Variants in MAST4 observed in about 807,000 individuals in gnomAD.
MAST4 encodes the protein microtubule associated serine/threonine kinase family member 4.
In MAST4, 89 loss-of-function variants were observed where a neutral mutation model predicts 162.7. The observed-to-expected ratio is 0.55, with a 90% confidence interval of 0.46 to 0.65. The LOEUF (loss-of-function observed/expected upper bound fraction) is 0.65. Among genes scored for constraint, MAST4 ranks in the 30% least tolerant of loss-of-function variants. MAST4 has a pLI of 0.00. For missense variants in MAST4, 3,153 were observed against 3,374.0 expected (o/e 0.93, Z 1.62); for synonymous variants, 1,479 against 1,361.1 (o/e 1.09, Z -1.91).
chr5:66,702,066 G>A (rs1319248909), intron 1 of MAST4, among the ~76,000 whole-genome samples: 1 of 152,144 alleles, frequency 6.6e-6, no homozygotes, highest in Non-Finnish European at 1.5e-5. Context: ...AGTGAGTGCT[G>A]CTCCCAGGAG....
chr5:66,832,138 C>A (rs1463117505), intron 3 of MAST4, among the ~76,000 whole-genome samples: 1 of 152,114 alleles, frequency 6.6e-6, no homozygotes, highest in Non-Finnish European at 1.5e-5. Context: ...GCTGACGATG[C>A]CTTTCCTGCC....
rs574872142 is a variant in MAST4, at chr5:66,676,656, A to G, written c.363+79638A>G. On this transcript the variant is annotated intron_variant, in intron 1 of 28. Transcript: ENST00000403625. ...AAACCAATCAGCGGAGCACTTGCTG[A>G]GAATGAAGTTTTTTCTTAATTGGCG... Among the ~76,000 whole-genome samples, 4 of 152,338 alleles carry G rather than the reference A, an allele frequency of 2.6e-5. 1 individual carries two copies. The South Asian group carries it at 8.3e-4, about 32-fold the overall frequency.
intron 3 of MAST4, among the ~76,000 whole-genome samples, chr5:66,816,344 C>T (rs1182284430): frequency 1.3e-5 from 2 of 152,104 alleles, no homozygotes; most frequent in African/African-American, 2.4e-5. Context: ...CCCCTGTTCA[C>T]GGCCACAGGA....
chr5:67,018,751 A>T (rs1364717564), intron 4 of MAST4, among the ~76,000 whole-genome samples: 4 of 152,212 alleles, frequency 2.6e-5, no homozygotes, highest in Admixed American at 1.3e-4. Context: ...GCAAGTGAAG[A>T]TGGAAGAAAA....
chr5:66,923,359 G>A (rs1241767699), intron 4 of MAST4, among the ~76,000 whole-genome samples: 1 of 152,158 alleles, frequency 6.6e-6, no homozygotes, highest in Non-Finnish European at 1.5e-5. Context: ...TAATATTGGG[G>A]AATCTCACTC....
At chr5:66,827,304 T>C (rs781462891) in intron 3 of MAST4, among the ~76,000 whole-genome samples, 5 of 152,232 alleles carry the variant, frequency 3.3e-5, no homozygotes, top group African/African-American at 4.8e-5. Context: ...CTAAAAACTC[T>C]CTGGGGTTTT....
intron 1 of MAST4, among the ~76,000 whole-genome samples, chr5:66,665,539 G>A (rs773033542): frequency 5.9e-5 from 9 of 152,120 alleles, no homozygotes; most frequent in Non-Finnish European, 1.3e-4. Flanking sequence ...ATATTTAATA[G>A]CAACATCTCT....
chr5:66,997,730 T>C (rs923132775), intron 4 of MAST4, among the ~76,000 whole-genome samples: 6 of 152,206 alleles, frequency 3.9e-5, no homozygotes, highest in African/African-American at 1.2e-4. Flanking sequence ...CCCAGCCTGA[T>C]TGATGTTTTA....
At chr5:67,116,180 TTTTGTTTG>T (rs57544655) in intron 12 of MAST4, among the ~76,000 whole-genome samples, 15 of 150,764 alleles carry the variant, frequency 9.9e-5, no homozygotes, top group Admixed American at 4.6e-4. Flanking sequence ...CTAAGGCTAG[TTTTGTTTG>T]TTTGTTTGTT....
intron 14 of MAST4, among the ~76,000 whole-genome samples, chr5:67,126,410 T>G (rs1234092489): frequency 3.3e-5 from 5 of 152,182 alleles, no homozygotes; most frequent in African/African-American, 9.7e-5. Context: ...CCATCTTGAG[T>G]TAATTTTTGT....
At chr5:66,846,395 A>T (rs1164969744) in intron 3 of MAST4, among the ~76,000 whole-genome samples, 5 of 152,156 alleles carry the variant, frequency 3.3e-5, no homozygotes, top group Admixed American at 2.0e-4. Context: ...TGAGGAGCTA[A>T]AGCTATGATG....
intron 4 of MAST4, among the ~76,000 whole-genome samples, chr5:67,000,875 A>G (rs1751216159): frequency 6.6e-6 from 1 of 152,124 alleles, no homozygotes; most frequent in African/African-American, 2.4e-5. Context: ...ACCCTTTCTT[A>G]AATACTTATT....
intron 4 of MAST4, among the ~76,000 whole-genome samples, chr5:67,049,248 C>T (rs758473894): frequency 6.6e-6 from 1 of 151,348 alleles, no homozygotes; most frequent in Non-Finnish European, 1.5e-5. Context: ...ACAAATGATA[C>T]AGTTGCTTGT....
intron 4 of MAST4, among the ~76,000 whole-genome samples, chr5:67,046,206 G>C (rs1172542372): frequency 2.0e-5 from 3 of 152,032 alleles, no homozygotes; most frequent in Non-Finnish European, 1.5e-5. Context: ...GGACAAAATA[G>C]CCTAACGAGG....
chr5:67,164,072 G>A lies in MAST4; in HGVS notation c.4893G>A (p.Gln1631=). 1.9e-6 allele frequency: 3 copies of A among 1,569,650 alleles called. No homozygotes were observed. The highest frequency in any genetic ancestry group is 2.6e-6 in the Non-Finnish European group (3 of 1,156,964). ...SDGRVPAEHR[Q]GGGDFRRAPA... ...GCCGGGTGCCTGCGGAGCACCGCCA[G>A]GGTGGCGGGGACTTCAGACGGGCCC... is the stretch of plus-strand genomic sequence containing the variant. The change falls in exon 29 of 29, where the codon CAG becomes CAA. Residue 1631 remains glutamine, a synonymous_variant. Coordinates refer to ENST00000403625, the MANE Select transcript of MAST4 (RefSeq NM_001164664.2). This position sits in a 1 kb window ranked among gnomAD's most constrained non-coding sequence, Gnocchi z 5.3.
intron 26 of MAST4, among the ~76,000 whole-genome samples, chr5:67,157,183 C>A (rs4699893): frequency 0.04 from 6,075 of 152,326 alleles, 298 homozygotes; most frequent in East Asian, 0.18. Context: ...GCAGGCTTCA[C>A]AAATCTCACC....
chr5:67,145,067 C>G (rs1770895077), intron 22 of MAST4, 77 bp from the exon 23 acceptor site: 1 of 1,290,410 alleles, frequency 7.7e-7, no homozygotes, highest in Non-Finnish European at 1.1e-6. Context: ...CCGATTTTCA[C>G]CTGGTTTCTT....
At chr5:66,838,591 T>C (rs921076844) in intron 3 of MAST4, among the ~76,000 whole-genome samples, 1 of 152,188 alleles carries the variant, frequency 6.6e-6, no homozygotes, top group Non-Finnish European at 1.5e-5. Flanking sequence ...ATGCTACAAC[T>C]ATCATCAGTC....
At chr5:67,154,734 T>G (rs1239503960) in intron 26 of MAST4, among the ~76,000 whole-genome samples, 1 of 152,126 alleles carries the variant, frequency 6.6e-6, no homozygotes, top group African/African-American at 2.4e-5. Flanking sequence ...CTGTCACAAA[T>G]CCAAAGAACA....
Sources: gnomAD v4.1 joint callset for allele counts (sites outside exome capture counted in the v4.1 genomes callset) on GRCh38, gnomAD v4.1.1 for gene constraint, Gnocchi (gnomAD v3.1) non-coding constraint, MANE v1.5 for transcripts, NCBI Gene and HGNC (gene_info 2026-07-23, HGNC 2026-07-21) for gene names.